PRELID2: variants seen among roughly 807,000 people sequenced by gnomAD.
PRELID2 encodes the protein PRELI domain containing 2.
A neutral mutation model predicts 28.4 loss-of-function variants in PRELID2; 25 were observed. That is an observed-to-expected ratio of 0.88 (90% CI 0.64 to 1.23). The LOEUF (loss-of-function observed/expected upper bound fraction) is 1.23, where lower values mean the gene tolerates loss of function less well. Among genes scored for constraint, PRELID2 ranks in the 50% most tolerant of loss-of-function variants. The pLI, the probability that PRELID2 is intolerant of heterozygous loss-of-function variation, is 0.00. For synonymous variants in PRELID2, 76 were observed against 71.6 expected, an observed-to-expected ratio of 1.06 and a Z score of -0.31; for missense variants, 201 against 214.4, an observed-to-expected ratio of 0.94 and a Z score of 0.39.
intron 1 of PRELID2, among the ~76,000 whole-genome samples, chr5:145,515,442 G>A (rs1752506986): frequency 6.6e-6 from 1 of 151,938 alleles, no homozygotes; most frequent in East Asian, 1.9e-4. Flanking sequence ...GACTAAACCA[G>A]GAAAAAGTCA....
At chr5:145,745,186 A>G (rs947145253) in intron 1 of PRELID2, among the ~76,000 whole-genome samples, 1 of 151,914 alleles carries the variant, frequency 6.6e-6, no homozygotes, top group Non-Finnish European at 1.5e-5. Flanking sequence ...GGAATGAACA[A>G]AGCCTCCAAG....
intron 1 of PRELID2, among the ~76,000 whole-genome samples, chr5:145,595,636 G>A (rs1753294645): frequency 6.6e-6 from 1 of 152,038 alleles, no homozygotes; most frequent in Admixed American, 6.6e-5. Context: ...TCAGACTACT[G>A]AAACCTGCTT....
the PRELID2 span, among the ~76,000 whole-genome samples, chr5:145,284,401 G>T: frequency 6.6e-6 from 1 of 152,046 alleles, no homozygotes; most frequent in Admixed American, 6.6e-5. Context: ...AAGATTTTTT[G>T]CCGTGACTCT....
chr5:145,306,497 A>G, the PRELID2 span, among the ~76,000 whole-genome samples: 1 of 152,054 alleles, frequency 6.6e-6, no homozygotes, highest in Non-Finnish European at 1.5e-5. Context: ...CTAATTTTAT[A>G]TTAGTTACTT....
intron 1 of PRELID2, among the ~76,000 whole-genome samples, chr5:145,601,609 A>G (rs1211881286): frequency 1.3e-5 from 2 of 152,208 alleles, no homozygotes; most frequent in Non-Finnish European, 2.9e-5. Context: ...TTAATAAGAG[A>G]GTGAGAAATT....
chr5:145,681,822 T>C (rs893317565), intron 1 of PRELID2, among the ~76,000 whole-genome samples: 1 of 152,064 alleles, frequency 6.6e-6, no homozygotes, highest in African/African-American at 2.4e-5. Context: ...GTAACTACAC[T>C]AAGTGAACCA....
At chr5:145,525,066 C>T (rs1255242657) in intron 1 of PRELID2, among the ~76,000 whole-genome samples, 3 of 152,152 alleles carry the variant, frequency 2.0e-5, no homozygotes, top group Admixed American at 6.6e-5. Flanking sequence ...AGTCACTGAA[C>T]ATTTATTCTA....
chr5:145,609,863 T>G (rs62394197), intron 1 of PRELID2, among the ~76,000 whole-genome samples: 20,573 of 152,184 alleles, frequency 0.14, 2,047 homozygotes, highest in African/African-American at 0.25. Flanking sequence ...AGCCACCTGA[T>G]GAGTTCAGAC....
At chr5:145,586,229 C>A (rs1227507195) in intron 1 of PRELID2, among the ~76,000 whole-genome samples, 1 of 152,084 alleles carries the variant, frequency 6.6e-6, no homozygotes, top group East Asian at 1.9e-4. Flanking sequence ...CCCTTTATTG[C>A]TGTACTTTGC....
intron 1 of PRELID2, among the ~76,000 whole-genome samples, chr5:145,743,187 T>A (rs1756884817): frequency 6.6e-6 from 1 of 151,572 alleles, no homozygotes; most frequent in African/African-American, 2.4e-5. Flanking sequence ...GACGGGCAGA[T>A]CACCTGAGGT....
intron 1 of PRELID2, among the ~76,000 whole-genome samples, chr5:145,833,349 T>G (rs1755728156): frequency 6.6e-6 from 1 of 152,270 alleles, no homozygotes; most frequent in South Asian, 2.1e-4. Flanking sequence ...AACTGACTCT[T>G]GATGATGACA....
At chr5:145,816,548 G>A (rs1212374883) in intron 4 of PRELID2, among the ~76,000 whole-genome samples, 1 of 152,062 alleles carries the variant, frequency 6.6e-6, no homozygotes, top group Non-Finnish European at 1.5e-5. Flanking sequence ...ATTTCTAAGT[G>A]TCTTATAGTT....
rs141695483 is a variant in PRELID2, at chr5:145,499,679, A to C, written n.71-26364T>G. Reference sequence around the variant, plus strand: ...GGTTACTCTGCCCAGCGATAGAAGAATTTGTGACAGATGCAAGGGATCATC... The same window carrying C: ...GGTTACTCTGCCCAGCGATAGAAGACTTTGTGACAGATGCAAGGGATCATC... On this transcript the variant is annotated intron_variant and non_coding_transcript_variant, in intron 1 of 2. Coordinates refer to the PRELID2 transcript ENST00000510259. Among the ~76,000 whole-genome samples, 1,327 of 152,258 alleles carry C rather than the reference A, an allele frequency of 8.7e-3. 19 individuals carry two copies. The highest frequency in any genetic ancestry group is 0.031 in the African/African-American group (1,278 of 41,556).
At chr5:145,793,155 C>T (rs1752505459) in intron 5 of PRELID2, among the ~76,000 whole-genome samples, 2 of 152,142 alleles carry the variant, frequency 1.3e-5, no homozygotes, top group Admixed American at 1.3e-4. Context: ...TTCCAAGTTA[C>T]CTCCCTTTAA....
Position 145,502,366 on chromosome 5 carries a change from C to T in PRELID2, n.71-29051G>A, listed in dbSNP as rs368442049. On this transcript the variant is annotated intron_variant and non_coding_transcript_variant, in intron 1 of 2. Coordinates refer to the PRELID2 transcript ENST00000510259. ...TGATAAACCACCCTCATAATCTAAT[C>T]ACCTTCTACCAGGCCCCACCTCCAA... Among the ~76,000 whole-genome samples the T allele has an allele frequency of 4.6e-5, 7 of 152,132 alleles. No homozygotes were observed. In the East Asian group the frequency reaches 7.7e-4, roughly 17 times the overall value.
chr5:145,230,981 AC>A, the PRELID2 span, among the ~76,000 whole-genome samples: 3 of 152,206 alleles, frequency 2.0e-5, no homozygotes, highest in African/African-American at 7.2e-5. Context: ...AGCCTTATAT[AC>A]CCTTATGTCA....
At chr5:145,266,171 T>A in the PRELID2 span, among the ~76,000 whole-genome samples, 21 of 152,012 alleles carry the variant, frequency 1.4e-4, no homozygotes, top group Non-Finnish European at 3.1e-4. Flanking sequence ...TTTTAACATT[T>A]TTTTTTCTTT....
At chr5:145,279,766 A>C in the PRELID2 span, among the ~76,000 whole-genome samples, 1 of 152,124 alleles carries the variant, frequency 6.6e-6, no homozygotes, top group Admixed American at 6.6e-5. Flanking sequence ...AAACCAAAAA[A>C]TTAGAAGGAC....
chr5:145,615,714 T>C (rs1036043447), intron 1 of PRELID2, among the ~76,000 whole-genome samples: 2 of 152,226 alleles, frequency 1.3e-5, no homozygotes, highest in Non-Finnish European at 2.9e-5. Flanking sequence ...ATTTAGGCCA[T>C]TTACATTCAA....
Sources: gnomAD v4.1 joint callset for allele counts (sites outside exome capture counted in the v4.1 genomes callset) on GRCh38, gnomAD v4.1.1 for gene constraint, MANE v1.5 for transcripts, NCBI Gene and HGNC (gene_info 2026-07-23, HGNC 2026-07-21) for gene names.